Variants in PDE4D observed in about 807,000 individuals in gnomAD.
PDE4D encodes the protein 3',5'-cyclic-AMP phosphodiesterase 4D.
In PDE4D, 24 loss-of-function variants were observed where a neutral mutation model predicts 87.4. The observed-to-expected ratio is 0.27, with a 90% confidence interval of 0.20 to 0.39. The LOEUF is 0.39. Among genes scored for constraint, PDE4D ranks in the 10% least tolerant of loss-of-function variants. The pLI, the probability that PDE4D is intolerant of heterozygous loss-of-function variation, is 1.00. For synonymous variants in PDE4D, 384 were observed against 383.2 expected (o/e 1.00, Z -0.02); for missense variants, 714 against 1,041.0 (o/e 0.69, Z 4.32).
At chr5:59,624,370 C>G (rs552345798) in intron 1 of PDE4D, among the ~76,000 whole-genome samples, 1 of 152,246 alleles carries the variant, frequency 6.6e-6, no homozygotes, top group South Asian at 2.1e-4. Context: ...ACTTAATGAA[C>G]AGAAAGTTAA....
chr5:59,717,453 T>C (rs1326198162), intron 1 of PDE4D, among the ~76,000 whole-genome samples: 7 of 152,148 alleles, frequency 4.6e-5, no homozygotes, highest in African/African-American at 1.7e-4. Context: ...GTAAAGAATA[T>C]AAAAAATTGA....
chr5:59,232,511 C>CAAAAAA, intron 1 of PDE4D, among the ~76,000 whole-genome samples: 1 of 141,842 alleles, frequency 7.1e-6, no homozygotes, highest in Non-Finnish European at 1.5e-5. Flanking sequence ...ATTAAAAGAC[C>CAAAAAA]AAAAAAAAAA....
At chr5:59,991,645 GA>G (rs1225509085) in intron 2 of PDE4D, among the ~76,000 whole-genome samples, 2 of 152,126 alleles carry the variant, frequency 1.3e-5, no homozygotes, top group Middle Eastern at 3.4e-3. Flanking sequence ...GATTTTGCAA[GA>G]ACCAATGGCA....
chr5:60,157,678 C>T (rs376279089), intron 2 of PDE4D, among the ~76,000 whole-genome samples: 8 of 152,126 alleles, frequency 5.3e-5, no homozygotes, highest in East Asian at 1.9e-4. Context: ...TTGGATCTAA[C>T]GAAAACTAAC....
intron 1 of PDE4D, among the ~76,000 whole-genome samples, chr5:59,843,700 T>A (rs1020793648): frequency 6.6e-6 from 1 of 152,082 alleles, no homozygotes; most frequent in African/African-American, 2.4e-5. Context: ...TCACCTATGA[T>A]AAACAGCACT....
chr5:59,782,402 C>A (rs2152629821), intron 1 of PDE4D, among the ~76,000 whole-genome samples: 1 of 152,272 alleles, frequency 6.6e-6, no homozygotes, highest in Admixed American at 6.5e-5. Context: ...GTGTTCAATA[C>A]ATGTTTGGTT....
At chr5:59,910,882 C>T (rs1184291556) in intron 3 of PDE4D, among the ~76,000 whole-genome samples, 3 of 152,124 alleles carry the variant, frequency 2.0e-5, no homozygotes, top group Non-Finnish European at 4.4e-5. Flanking sequence ...AAACAGACTC[C>T]CAGGAACTAG....
intron 1 of PDE4D, among the ~76,000 whole-genome samples, chr5:59,694,323 ATGGT>A (rs1214467798): frequency 1.3e-5 from 2 of 152,158 alleles, no homozygotes; most frequent in African/African-American, 4.8e-5. Context: ...CGCTGGGAAG[ATGGT>A]TAGGTCAGCT....
At chr5:59,114,651 C>A (rs987287995) in intron 5 of PDE4D, among the ~76,000 whole-genome samples, 2 of 151,942 alleles carry the variant, frequency 1.3e-5, no homozygotes, top group Non-Finnish European at 2.9e-5. Flanking sequence ...CCTGGGAACC[C>A]CAGGTCAAAG....
At chr5:60,118,139 T>C (rs150385568) in intron 2 of PDE4D, among the ~76,000 whole-genome samples, 1 of 152,176 alleles carries the variant, frequency 6.6e-6, no homozygotes, top group Admixed American at 6.6e-5. Context: ...GTCTTTTCTC[T>C]ATTTTCTAAA....
chr5:60,456,781 G>A (rs1205273594), intron 1 of PDE4D, among the ~76,000 whole-genome samples: 1 of 152,064 alleles, frequency 6.6e-6, no homozygotes, highest in Non-Finnish European at 1.5e-5. Flanking sequence ...CTCCCCTCTT[G>A]TTCTCTCTTC....
At chr5:59,127,932 G>A (rs1236803516) in intron 5 of PDE4D, among the ~76,000 whole-genome samples, 1 of 151,718 alleles carries the variant, frequency 6.6e-6, no homozygotes, top group East Asian at 1.9e-4. Context: ...GTTCCTTAGC[G>A]TTCTGTCCTG....
intron 1 of PDE4D, among the ~76,000 whole-genome samples, chr5:59,860,728 C>T (rs1038802340): frequency 1.3e-5 from 2 of 152,066 alleles, no homozygotes; most frequent in African/African-American, 2.4e-5. Flanking sequence ...ACCGAAGGTC[C>T]TCCAAAGAAT....
intron 2 of PDE4D, among the ~76,000 whole-genome samples, chr5:60,060,346 A>G (rs1161500394): frequency 6.6e-6 from 1 of 151,962 alleles, no homozygotes; most frequent in Non-Finnish European, 1.5e-5. Context: ...AAAAGCCAAC[A>G]TTTTGGTTAT....
intron 5 of PDE4D, among the ~76,000 whole-genome samples, chr5:59,155,290 AG>A (rs1780005258): frequency 6.6e-6 from 1 of 152,236 alleles, no homozygotes; most frequent in Non-Finnish European, 1.5e-5. Flanking sequence ...AGTGAAAAGA[AG>A]TATTCAGAGC....
intron 2 of PDE4D, among the ~76,000 whole-genome samples, chr5:60,028,806 A>C (rs1766926478): frequency 6.6e-6 from 1 of 152,154 alleles, no homozygotes; most frequent in Non-Finnish European, 1.5e-5. Flanking sequence ...TGATTCCTAA[A>C]TTCTAGGCAC....
At chr5:58,990,765 C>T in intron 9 of PDE4D, 39 bp downstream of exon 9, 2 of 1,089,330 alleles carry the variant, frequency 1.8e-6, no homozygotes, top group Non-Finnish European at 2.7e-6. Context: ...ACATTAAGTT[C>T]CTAAATAAAA....
chr5:59,221,544 A>T (rs948466060), intron 1 of PDE4D, among the ~76,000 whole-genome samples: 2 of 152,182 alleles, frequency 1.3e-5, no homozygotes, highest in Middle Eastern at 3.4e-3. Flanking sequence ...AGGCAGGAGG[A>T]TCACCTGAAC....
At chr5:59,239,472 C>T (rs117349566) in intron 1 of PDE4D, among the ~76,000 whole-genome samples, 3 of 152,108 alleles carry the variant, frequency 2.0e-5, no homozygotes, top group Non-Finnish European at 4.4e-5. Flanking sequence ...ATTCTACAGG[C>T]CTTTTTCCAA....
Sources: gnomAD v4.1 joint callset for allele counts (sites outside exome capture counted in the v4.1 genomes callset) on GRCh38, gnomAD v4.1.1 for gene constraint, MANE v1.5 for transcripts, NCBI Gene and HGNC (gene_info 2026-07-23, HGNC 2026-07-21) for gene names.